Variants in SIN3B observed in about 807,000 individuals in gnomAD.
SIN3B encodes the protein SIN3 transcription regulator family member B, also known as paired amphipathic helix protein Sin3b.
Under a neutral mutation model 120.2 loss-of-function variants are expected in SIN3B, and 19 were observed. The ratio of observed to expected loss-of-function variants is 0.16; its 90% CI spans 0.11 to 0.23. The LOEUF is 0.23. Ranked by LOEUF, SIN3B falls within the 10% of genes least tolerant of loss-of-function variation. The pLI, the probability that SIN3B is intolerant of heterozygous loss-of-function variation, is 1.00. For synonymous variants in SIN3B, 654 were observed against 653.2 expected (o/e 1.00, Z -0.02); for missense variants, 1,073 against 1,573.0 (o/e 0.68, Z 5.38).
chr19:16,847,378 C>T (rs1282945600), intron 5 of SIN3B, among the ~76,000 whole-genome samples: 2 of 152,196 alleles, frequency 1.3e-5, no homozygotes, highest in Non-Finnish European at 2.9e-5. Flanking sequence ...GAGCATCTTC[C>T]AGTGGAGACT....
intron 3 of SIN3B, among the ~76,000 whole-genome samples, chr19:16,832,943 C>T (rs116744877): frequency 1.5e-3 from 234 of 152,326 alleles, no homozygotes; most frequent in African/African-American, 5.4e-3. Flanking sequence ...CCATTTAAGG[C>T]ATAATTCTTT....
At chr19:16,864,246 A>G (rs1971729835) in intron 10 of SIN3B, among the ~76,000 whole-genome samples, 1 of 151,938 alleles carries the variant, frequency 6.6e-6, no homozygotes, top group African/African-American at 2.4e-5. Context: ...GTGAGCCGAG[A>G]TCACACCACT....
At chr19:16,871,947 A>T (rs947653165) in intron 14 of SIN3B, among the ~76,000 whole-genome samples, 1 of 152,038 alleles carries the variant, frequency 6.6e-6, no homozygotes, top group Non-Finnish European at 1.5e-5. Context: ...AAAAACCTTA[A>T]CCCACTTATC....
intron 9 of SIN3B, chr19:16,863,111 A>T: frequency 1.4e-6 from 1 of 692,436 alleles, no homozygotes; most frequent in Non-Finnish European, 2.5e-6. Context: ...GGCAGAGTTG[A>T]GTATTCATCT....
At chr19:16,842,075 C>G (rs1259776557) in intron 4 of SIN3B, 107 bp downstream of exon 4, 7 of 1,011,114 alleles carry the variant, frequency 6.9e-6, no homozygotes, top group East Asian at 2.6e-5. Context: ...CTGTAAAATT[C>G]TAATTAGTTG....
At chr19:16,832,573 TCACTGCA>T (rs1390250341) in intron 3 of SIN3B, among the ~76,000 whole-genome samples, 1 of 149,752 alleles carries the variant, frequency 6.7e-6, no homozygotes, top group Non-Finnish European at 1.5e-5. Flanking sequence ...CCATCATATC[TCACTGCA>T]GCCTCAACCT....
chr19:16,867,271 C>T (rs1224579390), intron 12 of SIN3B, among the ~76,000 whole-genome samples: 1 of 152,248 alleles, frequency 6.6e-6, no homozygotes, highest in Non-Finnish European at 1.5e-5. Flanking sequence ...GAAACTGAGG[C>T]ACAAGAGGTT....
chr19:16,844,471 A>G (rs892839854), intron 4 of SIN3B, among the ~76,000 whole-genome samples: 1 of 152,220 alleles, frequency 6.6e-6, no homozygotes, highest in Non-Finnish European at 1.5e-5. Flanking sequence ...CAGTTCAGGC[A>G]CAAGCCTGCC....
In SIN3B at chr19:16,875,824, T is replaced by G. The variant is rs981985865; in HGVS notation, c.2593-231T>G. 5.2e-6 allele frequency: 3 copies of G among 573,648 alleles called. No individual in the cohort carries two copies. In the East Asian group the frequency reaches 8.9e-5, roughly 17 times the overall value. 35.5% of individuals were successfully genotyped at this position (573,648 alleles called of 1,614,324 possible). ...CTGGTCTGTTTGGTCTGGTCTGGTC[T>G]GTTTGGTTTGGTCTGGTCTGGTCTG... is the stretch of plus-strand genomic sequence containing the variant. On this transcript the variant is annotated intron_variant, in intron 14 of 18. Coordinates refer to ENST00000248054, the MANE Select transcript of SIN3B (RefSeq NM_001297595.2).
rs11665659 is a variant in SIN3B at position 16,876,667 on chromosome 19, C to T, written c.2859+89C>T. 28,739 of 1,040,028 alleles carry T rather than the reference C, an allele frequency of 0.028. 501 individuals are homozygous for T. Among genetic ancestry groups the T allele is most frequent in the African/African-American group, 0.067 (4,266 of 63,208 alleles). 64.4% of individuals were successfully genotyped at this position (1,040,028 alleles called of 1,614,324 possible). On this transcript the variant is annotated intron_variant, in intron 16 of 18. Transcript: ENST00000248054. The surrounding 1 kb of genome is among the most constrained non-coding windows in gnomAD (Gnocchi z 7.1). ...GCTCCCACCAGCCAAGCGCAGGCCGCGCAGCATCCAGAGACCCTCCCTCTG... is the reference window on the plus strand; with the variant it reads ...GCTCCCACCAGCCAAGCGCAGGCCGTGCAGCATCCAGAGACCCTCCCTCTG...
chr19:16,857,120 A>G (rs2144602451), intron 8 of SIN3B, among the ~76,000 whole-genome samples: 1 of 152,340 alleles, frequency 6.6e-6, no homozygotes, highest in African/African-American at 2.4e-5. Context: ...TGTTTTTAGT[A>G]GTGATATTTC....
chr19:16,832,586 A>G (rs367674713), intron 3 of SIN3B, among the ~76,000 whole-genome samples: 1 of 149,324 alleles, frequency 6.7e-6, no homozygotes, highest in South Asian at 2.1e-4. Flanking sequence ...CTGCAGCCTC[A>G]ACCTCCTGGG....
At chr19:16,842,195 C>T (rs1250817606) in intron 4 of SIN3B, among the ~76,000 whole-genome samples, 1 of 152,042 alleles carries the variant, frequency 6.6e-6, no homozygotes, top group Non-Finnish European at 1.5e-5. Context: ...TCAAGCCATC[C>T]TCCAACTTCA....
rs2303091 is a variant in SIN3B at position 16,865,478 on chromosome 19, T to C, written c.1452T>C (p.Ser484=). Reference sequence around the variant, plus strand: ...TGGAAAGTGTGCAGAAGAAGCTGTCTCGGATGGCGCCGGAAGACCAGGAGA... The same window carrying C: ...TGGAAAGTGTGCAGAAGAAGCTGTCCCGGATGGCGCCGGAAGACCAGGAGA... The part of the protein sequence containing the change: ...RVLESVQKKL[S]RMAPEDQEKF... The change falls in exon 11 of 19, where the codon TCT becomes TCC. Residue 484 remains serine (S), a synonymous_variant. Coordinates refer to ENST00000248054, the MANE Select transcript of SIN3B (RefSeq NM_001297595.2). 0.15 allele frequency: 245,917 copies of C among 1,613,074 alleles called. 20,265 individuals are homozygous for C. Among genetic ancestry groups the C allele is most frequent in the Middle Eastern group, 0.25 (1,499 of 6,040 alleles).
At position 16,878,924 on chromosome 19, in the gene SIN3B, C is replaced by T. The variant is rs1176419233; in HGVS notation, c.*197C>T. 5 of 590,174 alleles carry T rather than the reference C, an allele frequency of 8.5e-6. No homozygotes were observed. The highest frequency in any genetic ancestry group is 3.8e-5 in the African/African-American group (2 of 52,954). The allele number at this position is 590,174 out of a possible 1,614,324, so 36.6% of individuals were successfully genotyped here. A position where few individuals can be genotyped will look rare whatever the true frequency, so the allele number is the denominator to read the frequency against. On this transcript the variant is annotated 3_prime_UTR_variant, in exon 19 of 19. Coordinates refer to ENST00000248054, the MANE Select transcript of SIN3B (RefSeq NM_001297595.2). Reference sequence around the variant, plus strand: ...GGGCCTGCTGTGTGCCAAACCTGAGCTACCTGCACCCGAGCCCTGGGGCTC... The same window carrying T: ...GGGCCTGCTGTGTGCCAAACCTGAGTTACCTGCACCCGAGCCCTGGGGCTC...
rs1239994971 is a variant in SIN3B, at chr19:16,842,085, G to A, written c.582+117G>A. ...AAATCCTGTAAAATTCTAATTAGTT[G>A]TGGGGTTTTTTGTTTGTTTTTTCTT... On this transcript the variant is annotated intron_variant, in intron 4 of 18. Transcript: ENST00000248054. 9.4e-6 allele frequency: 9 copies of A among 957,400 alleles called. No homozygotes were observed. In the African/African-American group the frequency reaches 1.5e-4, roughly 16 times the overall value. The allele number at this position is 957,400 out of a possible 1,614,324, so 59.3% of individuals were successfully genotyped here.
At chr19:16,839,796 A>G (rs1225443387) in intron 3 of SIN3B, among the ~76,000 whole-genome samples, 1 of 152,196 alleles carries the variant, frequency 6.6e-6, no homozygotes, top group African/African-American at 2.4e-5. Context: ...CAAGGTGGGC[A>G]GATCACTTGA....
chr19:16,847,232 C>A, intron 5 of SIN3B, 119 bp downstream of exon 5: 1 of 1,129,560 alleles, frequency 8.9e-7, no homozygotes, highest in East Asian at 2.5e-5. Flanking sequence ...TAGGGTCCCC[C>A]AGAAGCTACG....
chr19:16,871,548 T>C, intron 14 of SIN3B, 150 bp downstream of exon 14: 1 of 699,528 alleles, frequency 1.4e-6, no homozygotes. Context: ...AACGTAAAAT[T>C]AACCATTTTG....
Sources: allele counts gnomAD v4.1 joint callset (sites outside exome capture counted in the v4.1 genomes callset), GRCh38; gene constraint gnomAD v4.1.1; non-coding constraint Gnocchi (gnomAD v3.1); transcripts MANE v1.5; gene names NCBI Gene and HGNC (gene_info 2026-07-23, HGNC 2026-07-21).